VAT1L: variants seen among roughly 807,000 people sequenced by gnomAD.
VAT1L encodes vesicle amine transport 1 like, also known as putative NADPH-dependent quinone oxidoreductase VAT1L.
Under a neutral mutation model 44.1 loss-of-function variants are expected in VAT1L, and 34 were observed. That is an observed-to-expected ratio of 0.77 (90% CI 0.59 to 1.03). VAT1L has a LOEUF of 1.03. Ranked by LOEUF, VAT1L falls within the 50% of genes least tolerant of loss-of-function variation. VAT1L has a pLI of 0.00. For missense variants in VAT1L, 615 were observed against 538.8 expected (o/e 1.14, Z -1.40); for synonymous variants, 253 against 202.2 (o/e 1.25, Z -2.13).
intron 3 of VAT1L, among the ~76,000 whole-genome samples, chr16:77,836,118 C>T (rs774168330): frequency 3.3e-5 from 5 of 152,046 alleles, no homozygotes; most frequent in Non-Finnish European, 5.9e-5. Flanking sequence ...TGAACACCCA[C>T]TGATTTCTGA....
At chr16:77,834,467 C>T (rs1013718992) in intron 3 of VAT1L, among the ~76,000 whole-genome samples, 1 of 152,174 alleles carries the variant, frequency 6.6e-6, no homozygotes, top group Non-Finnish European at 1.5e-5. Flanking sequence ...ATGCGATGCA[C>T]ATCACTTCCA....
chr16:77,807,611 T>C (rs1274015057), intron 1 of VAT1L, among the ~76,000 whole-genome samples: 1 of 152,164 alleles, frequency 6.6e-6, no homozygotes, highest in Non-Finnish European at 1.5e-5. Context: ...GCTGCAAATC[T>C]CAGTCTCGGA....
rs577509364 is a variant in VAT1L at position 77,854,567 on chromosome 16, A to T, written c.580-8181A>T. On this transcript the variant is annotated intron_variant, in intron 3 of 8. Coordinates refer to ENST00000302536, the MANE Select transcript of VAT1L (RefSeq NM_020927.3). Reference sequence around the variant, plus strand: ...GTATTGTTGTAAGAAAAACGTAAGTATGGCTCATGCATCCAATGTACTTGA... The same window carrying T: ...GTATTGTTGTAAGAAAAACGTAAGTTTGGCTCATGCATCCAATGTACTTGA... Among the ~76,000 whole-genome samples, 3 of 152,340 alleles carry T rather than the reference A, an allele frequency of 2.0e-5. No individual in the cohort carries two copies. In the South Asian group the frequency reaches 6.2e-4, roughly 32 times the overall value.
intron 2 of VAT1L, among the ~76,000 whole-genome samples, chr16:77,817,924 G>C (rs573395334): frequency 1.3e-5 from 2 of 152,246 alleles, no homozygotes; most frequent in South Asian, 4.2e-4. Context: ...GCTATAATCA[G>C]AACCATGGAG....
chr16:77,933,961 C>T (rs146972182), intron 7 of VAT1L, among the ~76,000 whole-genome samples: 1,906 of 152,082 alleles, frequency 0.013, 23 homozygotes, highest in Non-Finnish European at 0.02. Context: ...GTGCTTTGGG[C>T]GATGGAATGA....
intron 6 of VAT1L, among the ~76,000 whole-genome samples, chr16:77,882,895 G>A (rs1328457848): frequency 3.9e-5 from 6 of 152,162 alleles, no homozygotes; most frequent in African/African-American, 1.4e-4. Flanking sequence ...CACACCATCT[G>A]TGCCACAAAC....
intron 3 of VAT1L, among the ~76,000 whole-genome samples, chr16:77,833,461 A>G (rs1381296939): frequency 1.3e-5 from 2 of 152,214 alleles, no homozygotes; most frequent in Non-Finnish European, 2.9e-5. Flanking sequence ...CTTCATGAAA[A>G]GTGGTAGTGG....
In VAT1L at chr16:77,796,585, C is replaced by G. The variant is rs13334931; in HGVS notation, c.233+7670C>G. On this transcript the variant is annotated intron_variant, in intron 1 of 8. Coordinates refer to ENST00000302536, the MANE Select transcript of VAT1L (RefSeq NM_020927.3). ...ACTTCCTCACTTTGTTAATGATATG[C>G]ACTTTTACTTATTGTTACAAAGACT... 9.4e-3 allele frequency among the ~76,000 whole-genome samples: 1,431 copies of G among 152,312 alleles called. 25 individuals are homozygous for G. The highest frequency in any genetic ancestry group is 0.032 in the African/African-American group (1,323 of 41,562).
At chr16:77,849,015 G>A (rs1416744595) in intron 3 of VAT1L, among the ~76,000 whole-genome samples, 1 of 152,144 alleles carries the variant, frequency 6.6e-6, no homozygotes, top group Non-Finnish European at 1.5e-5. Context: ...ATAGGGAGGG[G>A]AACATCACAC....
In VAT1L at chr16:77,979,771, C is replaced by A. The variant is rs2018380376; in HGVS notation, c.*2076C>A. On this transcript the variant is annotated 3_prime_UTR_variant, in exon 9 of 9. Transcript: ENST00000302536. ...AATTACTCCAGATGGTTAAAGAAAA[C>A]CCTTTCAGAATACAGAACGAGAAAA... 6.6e-6 allele frequency: 1 copy of A among 152,592 alleles called. No individual in the cohort carries two copies. 9.5% of individuals were successfully genotyped at this position (152,592 alleles called of 1,614,324 possible). A position where few individuals can be genotyped will look rare whatever the true frequency, so the allele number is the denominator to read the frequency against.
intron 6 of VAT1L, among the ~76,000 whole-genome samples, chr16:77,883,193 G>A (rs541574362): frequency 1.3e-5 from 2 of 152,250 alleles, no homozygotes; most frequent in South Asian, 2.1e-4. Flanking sequence ...GTTTCTAAAT[G>A]CCCATCACAT....
At chr16:77,924,601 C>T (rs948144707) in intron 7 of VAT1L, among the ~76,000 whole-genome samples, 1 of 152,128 alleles carries the variant, frequency 6.6e-6, no homozygotes, top group Admixed American at 6.6e-5. Context: ...GTTGGGATTA[C>T]ATACGTATGC....
intron 4 of VAT1L, among the ~76,000 whole-genome samples, chr16:77,868,301 T>C (rs1210030700): frequency 1.3e-5 from 2 of 152,156 alleles, no homozygotes; most frequent in South Asian, 4.1e-4. Flanking sequence ...AGTGAGACCA[T>C]TGTAAATGGA....
At chr16:77,835,905 C>T (rs1406078720) in intron 3 of VAT1L, among the ~76,000 whole-genome samples, 1 of 151,958 alleles carries the variant, frequency 6.6e-6, no homozygotes. Flanking sequence ...TTCATTTAAC[C>T]CTCCTAAAAT....
At chr16:77,836,962 C>T (rs1054187228) in intron 3 of VAT1L, among the ~76,000 whole-genome samples, 3 of 152,096 alleles carry the variant, frequency 2.0e-5, no homozygotes, top group African/African-American at 4.8e-5. Context: ...AAGATACTAT[C>T]GCACCTCATT....
At position 77,897,571 on chromosome 16, in the gene VAT1L, A is replaced by G. The variant is rs970570016; in HGVS notation, c.1077+12769A>G. On this transcript the variant is annotated intron_variant, in intron 7 of 8. Transcript: ENST00000302536. ...CTGCAACCTCTGCCTCCCAGGTTCA[A>G]GCAATGATCCTGCCTCAGCCTCCTG... Among the ~76,000 whole-genome samples the G allele has an allele frequency of 2.0e-5, 3 of 152,162 alleles. No individual in the cohort carries two copies. In the East Asian group the frequency reaches 5.8e-4, roughly 29 times the overall value.
At chr16:77,968,160 TG>T (rs573348358) in intron 7 of VAT1L, among the ~76,000 whole-genome samples, 1 of 152,082 alleles carries the variant, frequency 6.6e-6, no homozygotes, top group East Asian at 1.9e-4. Context: ...TTTCTGTGAG[TG>T]GGGAATCTGG....
At chr16:77,848,592 C>T (rs113591277) in intron 3 of VAT1L, among the ~76,000 whole-genome samples, 17 of 152,152 alleles carry the variant, frequency 1.1e-4, no homozygotes, top group African/African-American at 3.6e-4. Context: ...TCAGGAGACA[C>T]GGTTACCATG....
chr16:77,921,647 CT>C (rs2017613255), intron 7 of VAT1L, among the ~76,000 whole-genome samples: 1 of 152,192 alleles, frequency 6.6e-6, no homozygotes, highest in South Asian at 2.1e-4. Flanking sequence ...AATATTTTCC[CT>C]TTGTCCTAAT....
Sources: allele counts gnomAD v4.1 joint callset (sites outside exome capture counted in the v4.1 genomes callset), GRCh38; gene constraint gnomAD v4.1.1; transcripts MANE v1.5; gene names NCBI Gene and HGNC (gene_info 2026-07-23, HGNC 2026-07-21).